Variants in BIN3 observed in about 807,000 individuals in gnomAD.
BIN3 encodes bridging integrator 3.
BIN3 carries 41 observed loss-of-function variants against 38.2 expected under a neutral mutation model. The ratio of observed to expected loss-of-function variants is 1.07; its 90% CI spans 0.84 to 1.39. The LOEUF is 1.39. Ranked by LOEUF, BIN3 falls within the 40% of genes most tolerant of loss-of-function variation. The probability of loss-of-function intolerance (pLI) is 0.00; values close to 1 mark genes in which losing one functional copy is unlikely to be tolerated. For missense variants in BIN3, 361 were observed against 324.3 expected (o/e 1.11, Z -0.87); for synonymous variants, 145 against 122.6 (o/e 1.18, Z -1.21).
intron 1 of BIN3, among the ~76,000 whole-genome samples, chr8:22,667,728 G>A (rs1326703645): frequency 2.0e-5 from 3 of 152,172 alleles, no homozygotes; most frequent in South Asian, 4.1e-4. Context: ...AGCTCCTGCC[G>A]GGGCTTATTA....
rs562501435 is a variant in BIN3, at chr8:22,662,494, T to C, written c.8+6550A>G. On this transcript the variant is annotated intron_variant, in intron 1 of 8. Coordinates refer to ENST00000276416, the MANE Select transcript of BIN3 (RefSeq NM_018688.6). The stretch of plus-strand genomic sequence containing the variant: ...AAGCAATTGACAGTTTTCAAATCTA[T>C]GGAATAAGTTCTTATAAAGAACTCA... 2.0e-5 allele frequency among the ~76,000 whole-genome samples: 3 copies of C among 152,374 alleles called. No individual in the cohort carries two copies. The South Asian group carries it at 6.2e-4, about 32-fold the overall frequency.
intron 8 of BIN3, among the ~76,000 whole-genome samples, chr8:22,623,027 G>A (rs1440319476): frequency 6.6e-6 from 1 of 152,212 alleles, no homozygotes; most frequent in Non-Finnish European, 1.5e-5. Context: ...GCGACTACGG[G>A]CCTGCAGGAA....
chr8:22,661,305 T>C lies in BIN3; in HGVS notation c.8+7739A>G, dbSNP rs145213895. ...CCATATGCAAAATATAGTATTGCCT[T>C]ATAGGTCTAATGTTTACATAAATAG... On this transcript the variant is annotated intron_variant, in intron 1 of 8. Coordinates refer to ENST00000276416, the MANE Select transcript of BIN3 (RefSeq NM_018688.6). Among the ~76,000 whole-genome samples, 511 of 151,576 alleles carry C rather than the reference T, an allele frequency of 3.4e-3. 6 individuals are homozygous for C. The highest frequency in any genetic ancestry group is 2.3e-3 in the Non-Finnish European group (157 of 67,856).
At chr8:22,630,902 G>A (rs940740722) in intron 4 of BIN3, among the ~76,000 whole-genome samples, 2 of 152,140 alleles carry the variant, frequency 1.3e-5, no homozygotes, top group African/African-American at 2.4e-5. Context: ...CAGTAAACCC[G>A]GTACCCAAGA....
At chr8:22,648,381 G>A (rs1189809589) in intron 1 of BIN3, among the ~76,000 whole-genome samples, 2 of 152,060 alleles carry the variant, frequency 1.3e-5, no homozygotes, top group Non-Finnish European at 2.9e-5. Context: ...TATGTGCCCC[G>A]AGGCTCCGCT....
chr8:22,627,445 G>A (rs968890408), intron 6 of BIN3, among the ~76,000 whole-genome samples: 10 of 152,188 alleles, frequency 6.6e-5, no homozygotes, highest in Admixed American at 4.6e-4. Flanking sequence ...ATGTGCCACG[G>A]TGCTGTGTGG....
intron 6 of BIN3, among the ~76,000 whole-genome samples, chr8:22,627,940 G>A (rs1171995572): frequency 1.3e-5 from 2 of 152,254 alleles, no homozygotes; most frequent in Non-Finnish European, 2.9e-5. Flanking sequence ...CCTCAAAGAA[G>A]GGGGCCGGGC....
Position 22,632,751 on chromosome 8 carries a change from CTGGA to C in BIN3, c.161-2177_161-2174del. On this transcript the variant is annotated intron_variant, in intron 4 of 8. Transcript: ENST00000276416. ...CGGAGTTTCGCTCTTGTCACCCAGG[CTGGA>C]TGGAGTGCAATGGCATCATCTCGGC... Among the ~76,000 whole-genome samples, 2 of 145,726 alleles carry C rather than the reference CTGGA, an allele frequency of 1.4e-5. 1 individual carries two copies.
In BIN3 at chr8:22,645,323, C is replaced by A. The variant is rs528405536; in HGVS notation, c.9-520G>T. Among the ~76,000 whole-genome samples, 197 of 151,842 alleles carry A rather than the reference C, an allele frequency of 1.3e-3. 2 individuals carry two copies. The highest frequency in any genetic ancestry group is 4.5e-3 in the African/African-American group (185 of 41,434). ...CAAAAAAAAAAACACAAAAAAACAACCACCAAAAATTAGCCGGGCGTGGTG... is the reference window on the plus strand; with the variant it reads ...CAAAAAAAAAAACACAAAAAAACAAACACCAAAAATTAGCCGGGCGTGGTG... On this transcript the variant is annotated intron_variant, in intron 1 of 8. Coordinates refer to ENST00000276416, the MANE Select transcript of BIN3 (RefSeq NM_018688.6).
chr8:22,651,670 T>C lies in BIN3; in HGVS notation c.9-6867A>G, dbSNP rs112531237. ...CCAGTACTGCTGCTGTGGGAAAGTC[T>C]GAAGCCACTCTGATTCCCATCCTTT... On this transcript the variant is annotated intron_variant, in intron 1 of 8. Transcript: ENST00000276416. Among the ~76,000 whole-genome samples, 760 of 152,334 alleles carry C rather than the reference T, an allele frequency of 5.0e-3. 5 individuals carry two copies. Among genetic ancestry groups the C allele is most frequent in the Non-Finnish European group, 7.9e-3 (535 of 68,026 alleles).
At chr8:22,630,699 G>T (rs189374699) in intron 4 of BIN3, 121 bp from the exon 5 acceptor site, 2 of 1,176,504 alleles carry the variant, frequency 1.7e-6, no homozygotes, top group South Asian at 3.1e-5. Context: ...CCACAGCCAC[G>T]GCCGTCAAGA....
chr8:22,623,097 C>T (rs1392725529), intron 8 of BIN3, among the ~76,000 whole-genome samples: 1 of 152,230 alleles, frequency 6.6e-6, no homozygotes, highest in Non-Finnish European at 1.5e-5. Context: ...CCAGGAGGGG[C>T]AGAGCCACAG....
rs1006149832 is a variant in BIN3, at chr8:22,644,978, C to T, written c.9-175G>A. ...CAACCATTGGCATCTGGGCTTGGTT[C>T]TAAGAGAGAGATAGGTCCTCCCACC... On this transcript the variant is annotated intron_variant, in intron 1 of 8. Coordinates refer to ENST00000276416, the MANE Select transcript of BIN3 (RefSeq NM_018688.6). 4.0e-5 allele frequency: 23 copies of T among 574,938 alleles called. No homozygotes were observed. In the Admixed American group the frequency reaches 4.6e-4, roughly 12 times the overall value. The allele number at this position is 574,938 out of a possible 1,614,324, so 35.6% of individuals were successfully genotyped here. A position where few individuals can be genotyped will look rare whatever the true frequency, so the allele number is the denominator to read the frequency against.
At chr8:22,638,500 T>C (rs931691239) in intron 2 of BIN3, among the ~76,000 whole-genome samples, 1 of 152,226 alleles carries the variant, frequency 6.6e-6, no homozygotes, top group African/African-American at 2.4e-5. Flanking sequence ...GTTCTGGGGA[T>C]ACCCTGGTGA....
At chr8:22,641,743 T>C (rs779751533) in intron 2 of BIN3, among the ~76,000 whole-genome samples, 1 of 152,212 alleles carries the variant, frequency 6.6e-6, no homozygotes, top group African/African-American at 2.4e-5. Flanking sequence ...AGCACCCACC[T>C]GGCTAGGAAC....
intron 1 of BIN3, among the ~76,000 whole-genome samples, chr8:22,650,968 G>A (rs1802872380): frequency 6.6e-6 from 1 of 152,090 alleles, no homozygotes; most frequent in African/African-American, 2.4e-5. Flanking sequence ...TCCTGCCCTT[G>A]GGAGCCAGCA....
intron 8 of BIN3, among the ~76,000 whole-genome samples, chr8:22,622,001 G>A (rs1801841126): frequency 6.6e-6 from 1 of 152,254 alleles, no homozygotes; most frequent in Non-Finnish European, 1.5e-5. Context: ...AGGCAAGAAA[G>A]GGGATGCCCG....
At chr8:22,648,894 C>CGTACGTATGTATGTAT (rs1802792361) in intron 1 of BIN3, among the ~76,000 whole-genome samples, 1 of 147,902 alleles carries the variant, frequency 6.8e-6, no homozygotes, top group Non-Finnish European at 1.5e-5. Context: ...TCCACATCAA[C>CGTACGTATGTATGTAT]GTATGTATGT....
intron 1 of BIN3, among the ~76,000 whole-genome samples, chr8:22,649,022 G>A (rs1220869415): frequency 6.6e-6 from 1 of 152,126 alleles, no homozygotes; most frequent in African/African-American, 2.4e-5. Flanking sequence ...CTCAGCCCTA[G>A]AATCAGTGGA....
Sources: allele counts gnomAD v4.1 joint callset (sites outside exome capture counted in the v4.1 genomes callset), GRCh38; gene constraint gnomAD v4.1.1; transcripts MANE v1.5; gene names NCBI Gene and HGNC (gene_info 2026-07-23, HGNC 2026-07-21).